Variants in DAB1 observed in about 807,000 individuals in gnomAD.
DAB1 encodes the protein DAB adaptor protein 1.
Under a neutral mutation model 64.6 loss-of-function variants are expected in DAB1, and 15 were observed. That is an observed-to-expected ratio of 0.23 (90% CI 0.16 to 0.36). The LOEUF is 0.36. DAB1 is among the 10% of genes least tolerant of loss of function. The pLI is 1.00. For synonymous variants in DAB1, 235 were observed against 251.9 expected (o/e 0.93, Z 0.64); for missense variants, 596 against 706.7 (o/e 0.84, Z 1.78).
chr1:58,479,348 T>C (rs1276326079), intron 3 of DAB1, among the ~76,000 whole-genome samples: 1 of 152,220 alleles, frequency 6.6e-6, no homozygotes, highest in Non-Finnish European at 1.5e-5. Flanking sequence ...ATGACCAATG[T>C]TGTCTCGTGT....
At chr1:57,640,648 T>C (rs979436544) in intron 7 of DAB1, among the ~76,000 whole-genome samples, 1 of 152,120 alleles carries the variant, frequency 6.6e-6, no homozygotes, top group African/African-American at 2.4e-5. Context: ...ACAACTCAAA[T>C]AGGGTATTAG....
intron 3 of DAB1, among the ~76,000 whole-genome samples, chr1:58,360,950 A>G (rs1455852183): frequency 6.6e-6 from 1 of 152,210 alleles, no homozygotes; most frequent in African/African-American, 2.4e-5. Flanking sequence ...TTAAAATTAA[A>G]CTATTTTTGT....
At chr1:57,429,677 T>C (rs1685425598) in intron 7 of DAB1, among the ~76,000 whole-genome samples, 1 of 152,208 alleles carries the variant, frequency 6.6e-6, no homozygotes, top group African/African-American at 2.4e-5. Flanking sequence ...TGGCATAATA[T>C]AAGGATTCAA....
At chr1:58,362,442 C>T in intron 3 of DAB1, among the ~76,000 whole-genome samples, 1 of 152,174 alleles carries the variant, frequency 6.6e-6, no homozygotes, top group East Asian at 1.9e-4. Context: ...AAAAGAAGCT[C>T]AAGTGAGAGG....
chr1:57,543,325 C>T (rs1279280084), intron 7 of DAB1, among the ~76,000 whole-genome samples: 1 of 152,120 alleles, frequency 6.6e-6, no homozygotes, highest in Non-Finnish European at 1.5e-5. Context: ...GACTTCAAAC[C>T]CACTCCTTCC....
At chr1:57,888,163 TG>T (rs1343205184), upstream of DAB1, among the ~76,000 whole-genome samples, 2 of 152,186 alleles carry the variant, frequency 1.3e-5, no homozygotes, top group African/African-American at 4.8e-5. Context: ...TGAGGGGGGA[TG>T]GGCACACTAT....
At chr1:57,616,869 C>T (rs1325493350) in intron 7 of DAB1, among the ~76,000 whole-genome samples, 3 of 152,162 alleles carry the variant, frequency 2.0e-5, no homozygotes, top group Non-Finnish European at 4.4e-5. Flanking sequence ...AAGGCATCAA[C>T]AGGACTAGCA....
intron 4 of DAB1, among the ~76,000 whole-genome samples, chr1:58,306,838 T>G (rs1662320186): frequency 6.6e-6 from 1 of 152,212 alleles, no homozygotes; most frequent in African/African-American, 2.4e-5. Context: ...CTCACTTTTT[T>G]ACATACTCCT....
intron 6 of DAB1, among the ~76,000 whole-genome samples, chr1:57,764,875 A>C (rs1486720885): frequency 6.6e-6 from 1 of 152,210 alleles, no homozygotes; most frequent in African/African-American, 2.4e-5. Context: ...GACTGAGATA[A>C]ATTAGGAACT....
chr1:57,506,085 G>A (rs1164491126), intron 7 of DAB1, among the ~76,000 whole-genome samples: 1 of 152,094 alleles, frequency 6.6e-6, no homozygotes, highest in Non-Finnish European at 1.5e-5. Flanking sequence ...TGCATTTTTG[G>A]CTTGGTAACT....
chr1:58,509,212 G>C (rs1022977785), intron 2 of DAB1, among the ~76,000 whole-genome samples: 3 of 152,044 alleles, frequency 2.0e-5, no homozygotes, highest in South Asian at 2.1e-4. Context: ...TTCAGAAACT[G>C]ACCCTAATGA....
At chr1:58,228,626 G>A in intron 4 of DAB1, 1 of 791,816 alleles carries the variant, frequency 1.3e-6, no homozygotes. Flanking sequence ...GCCCCCTTGT[G>A]CGAGGTTCAC....
At chr1:57,927,710 G>A (rs964708728) in intron 5 of DAB1, among the ~76,000 whole-genome samples, 3 of 152,084 alleles carry the variant, frequency 2.0e-5, no homozygotes, top group African/African-American at 4.8e-5. Flanking sequence ...TAACAAACCC[G>A]AAAGTACATT....
intron 7 of DAB1, among the ~76,000 whole-genome samples, chr1:57,580,691 A>C (rs1259025714): frequency 6.6e-6 from 1 of 152,178 alleles, no homozygotes; most frequent in Non-Finnish European, 1.5e-5. Flanking sequence ...ATTTGGACTA[A>C]TGATAATTAT....
At chr1:57,944,794 TC>T (rs1443664264) in intron 5 of DAB1, among the ~76,000 whole-genome samples, 46 of 152,148 alleles carry the variant, frequency 3.0e-4, no homozygotes, top group Non-Finnish European at 5.9e-5. Context: ...CCTGGTCCAC[TC>T]CTTGGCTTGT....
At chr1:57,819,769 T>C (rs937835824) in intron 6 of DAB1, among the ~76,000 whole-genome samples, 1 of 152,170 alleles carries the variant, frequency 6.6e-6, no homozygotes, top group African/African-American at 2.4e-5. Context: ...TGGGAAAATA[T>C]TTAGCCATTT....
intron 7 of DAB1, among the ~76,000 whole-genome samples, chr1:57,442,857 T>C (rs1039297939): frequency 1.3e-5 from 2 of 152,198 alleles, no homozygotes; most frequent in Non-Finnish European, 2.9e-5. Context: ...ATTTTGAACA[T>C]TTGGGGGATA....
intron 4 of DAB1, among the ~76,000 whole-genome samples, chr1:57,102,824 C>T (rs1386693741): frequency 1.3e-5 from 2 of 152,182 alleles, no homozygotes; most frequent in South Asian, 2.1e-4. Flanking sequence ...TGCATATCCA[C>T]GTGTTTAAAG....
intron 7 of DAB1, among the ~76,000 whole-genome samples, chr1:57,603,216 G>A (rs1049672654): frequency 5.9e-5 from 9 of 152,160 alleles, no homozygotes; most frequent in East Asian, 1.9e-4. Flanking sequence ...TAGGTGATCC[G>A]CCTGCCTCAG....
Sources: gnomAD v4.1 joint callset for allele counts (sites outside exome capture counted in the v4.1 genomes callset) on GRCh38, gnomAD v4.1.1 for gene constraint, MANE v1.5 for transcripts, NCBI Gene and HGNC (gene_info 2026-07-23, HGNC 2026-07-21) for gene names.